The following PDZD2 variants were observed in gnomAD, a reference collection of about 807,000 sequenced individuals.
The protein encoded by PDZD2 is PDZ domain containing 2.
PDZD2 carries 90 observed loss-of-function variants against 220.7 expected under a neutral mutation model. The observed-to-expected ratio is 0.41, with a 90% CI of 0.34 to 0.49. The LOEUF is 0.49. Ranked by LOEUF, PDZD2 falls within the 20% of genes least tolerant of loss-of-function variation. PDZD2 has a pLI of 0.28. For synonymous variants in PDZD2, 1,375 were observed against 1,450.5 expected (o/e 0.95, Z 1.18); for missense variants, 3,174 against 3,608.5 (o/e 0.88, Z 3.08).
At chr5:32,027,921 TG>T (rs2112175352) in intron 6 of PDZD2, among the ~76,000 whole-genome samples, 1 of 152,296 alleles carries the variant, frequency 6.6e-6, no homozygotes, top group African/African-American at 2.4e-5. Context: ...AATCTTAGTG[TG>T]ACTGAAGCCT....
intron 3 of PDZD2, among the ~76,000 whole-genome samples, chr5:31,992,085 T>G (rs1259114656): frequency 6.6e-6 from 1 of 152,170 alleles, no homozygotes; most frequent in East Asian, 1.9e-4. Flanking sequence ...TTACTTCTTG[T>G]TGCTTGTGTC....
At chr5:31,927,682 G>A (rs894532357) in intron 2 of PDZD2, among the ~76,000 whole-genome samples, 1 of 152,098 alleles carries the variant, frequency 6.6e-6, no homozygotes, top group African/African-American at 2.4e-5. Flanking sequence ...ACCGCACCTG[G>A]CCTCCTGCTA....
intron 1 of PDZD2, among the ~76,000 whole-genome samples, chr5:31,663,357 G>A (rs893898654): frequency 1.3e-5 from 2 of 152,160 alleles, no homozygotes; most frequent in African/African-American, 4.8e-5. Flanking sequence ...AGTGAAGACC[G>A]TTTGGTAGGA....
intron 2 of PDZD2, among the ~76,000 whole-genome samples, chr5:31,976,044 C>CA (rs747903017): frequency 1.3e-5 from 2 of 151,730 alleles, no homozygotes; most frequent in Non-Finnish European, 2.9e-5. Context: ...AGTATTCAGC[C>CA]AAAAAAATTC....
At chr5:31,846,193 G>A (rs143699010) in intron 2 of PDZD2, among the ~76,000 whole-genome samples, 2,376 of 152,262 alleles carry the variant, frequency 0.016, 58 homozygotes, top group African/African-American at 0.052. Context: ...GAGTGCAGTG[G>A]CGCAATCTCG....
At chr5:31,853,702 C>T (rs533095453) in intron 2 of PDZD2, among the ~76,000 whole-genome samples, 2 of 152,240 alleles carry the variant, frequency 1.3e-5, no homozygotes, top group Admixed American at 1.3e-4. Context: ...CAGATCTGTC[C>T]GTTGCAAAGC....
intron 1 of PDZD2, among the ~76,000 whole-genome samples, chr5:31,796,934 G>GTT (rs528831445): frequency 2.8e-5 from 4 of 142,204 alleles, no homozygotes; most frequent in African/African-American, 5.3e-5. Context: ...TTGTTTTTTT[G>GTT]TTTTTTTTTT....
chr5:31,908,573 T>C (rs1185937836), intron 2 of PDZD2: 1 of 983,822 alleles, frequency 1.0e-6, no homozygotes, highest in Non-Finnish European at 1.6e-6. Flanking sequence ...GATACTGTCA[T>C]GAACCATCAC....
intron 1 of PDZD2, among the ~76,000 whole-genome samples, chr5:31,656,425 C>A (rs774882016): frequency 2.2e-4 from 34 of 152,172 alleles, no homozygotes; most frequent in Non-Finnish European, 3.7e-4. Context: ...CCCTCCCAGA[C>A]TCAGCTGGAA....
intron 2 of PDZD2, among the ~76,000 whole-genome samples, chr5:31,816,287 CAAA>C (rs34233316): frequency 1.0e-5 from 1 of 99,118 alleles, no homozygotes. Flanking sequence ...GACTCCATCT[CAAA>C]AAAAAAAAAA....
At chr5:32,003,474 C>T (rs1752550517) in intron 5 of PDZD2, among the ~76,000 whole-genome samples, 1 of 123,660 alleles carries the variant, frequency 8.1e-6, no homozygotes, top group Non-Finnish European at 1.7e-5. Context: ...ACCCCCCCCA[C>T]ACCACACTAC....
At chr5:31,835,434 C>T (rs1242203373) in intron 2 of PDZD2, among the ~76,000 whole-genome samples, 2 of 37,206 alleles carry the variant, frequency 5.4e-5, no homozygotes, top group Non-Finnish European at 1.7e-4. Context: ...GCCTGGCCAA[C>T]ATGATGAAAC....
chr5:32,012,053 C>T (rs1041282790), intron 6 of PDZD2, among the ~76,000 whole-genome samples: 1 of 152,216 alleles, frequency 6.6e-6, no homozygotes, highest in African/African-American at 2.4e-5. Flanking sequence ...CAGCAGACTT[C>T]AGCTCCAGCA....
chr5:31,998,538 C>T (rs1751828355), intron 4 of PDZD2, among the ~76,000 whole-genome samples: 2 of 152,232 alleles, frequency 1.3e-5, no homozygotes, highest in South Asian at 4.1e-4. Flanking sequence ...CAGGGGAGAG[C>T]CTAGAGACTG....
At chr5:31,708,080 G>A (rs1034859616) in intron 1 of PDZD2, among the ~76,000 whole-genome samples, 1 of 152,200 alleles carries the variant, frequency 6.6e-6, no homozygotes, top group East Asian at 1.9e-4. Context: ...ATACTAGGTT[G>A]GGGGAGGCAG....
chr5:31,948,370 AGGCTTTTCG>A (rs1746846744), intron 2 of PDZD2, among the ~76,000 whole-genome samples: 1 of 152,172 alleles, frequency 6.6e-6, no homozygotes, highest in African/African-American at 2.4e-5. Context: ...TGAGAATGGC[AGGCTTTTCG>A]ACCTTGTTTT....
At chr5:32,048,101 A>G (rs998292353) in intron 7 of PDZD2, among the ~76,000 whole-genome samples, 37 of 152,316 alleles carry the variant, frequency 2.4e-4, no homozygotes, top group African/African-American at 8.2e-4. Context: ...GTAAGTTGTT[A>G]TACTTTAATC....
chr5:31,696,058 C>T lies in PDZD2; in HGVS notation c.-361+56621C>T, dbSNP rs528013777. On this transcript the variant is annotated intron_variant, in intron 1 of 24. Transcript: ENST00000438447. The stretch of plus-strand genomic sequence containing the variant: ...TCCAGTGCCCCCCTCAGCTTGTACA[C>T]CCACTGAGCAAAACAAATGCCCCAC... 2.2e-3 allele frequency among the ~76,000 whole-genome samples: 334 copies of T among 152,194 alleles called. 1 individual carries two copies. Among genetic ancestry groups the T allele is most frequent in the Non-Finnish European group, 4.2e-3 (286 of 68,006 alleles).
intron 3 of PDZD2, among the ~76,000 whole-genome samples, chr5:31,990,279 G>A (rs1751106310): frequency 6.6e-6 from 1 of 152,136 alleles, no homozygotes; most frequent in Non-Finnish European, 1.5e-5. Context: ...TCCTGTTTTG[G>A]TAAATAAATC....
Sources: allele counts gnomAD v4.1 joint callset (sites outside exome capture counted in the v4.1 genomes callset), GRCh38; gene constraint gnomAD v4.1.1; transcripts MANE v1.5; gene names NCBI Gene and HGNC (gene_info 2026-07-23, HGNC 2026-07-21).